The following MTMR9 variants were observed in gnomAD, a reference collection of about 807,000 sequenced individuals.
MTMR9 encodes myotubularin-related protein 9.
A neutral mutation model predicts 69.5 loss-of-function variants in MTMR9; 39 were observed. That is an observed-to-expected ratio of 0.56 (90% CI 0.43 to 0.73). The LOEUF (loss-of-function observed/expected upper bound fraction) is 0.73, where lower values mean the gene tolerates loss of function less well. MTMR9 is among the 30% of genes least tolerant of loss of function. MTMR9 has a pLI of 0.00. For missense variants in MTMR9, 900 were observed against 671.2 expected, an observed-to-expected ratio of 1.34 and a Z score of -3.77; for synonymous variants, 354 against 240.8, an observed-to-expected ratio of 1.47 and a Z score of -4.35.
chr8:11,311,463 C>T (rs1193969313), intron 6 of MTMR9, among the ~76,000 whole-genome samples: 1 of 152,172 alleles, frequency 6.6e-6, no homozygotes, highest in Admixed American at 6.5e-5. Flanking sequence ...AAGTGAGTCA[C>T]ATTCATTATT....
chr8:11,323,191 A>T lies in MTMR9; in HGVS notation c.*403A>T, dbSNP rs1800774984. 1 of 153,156 alleles carries T rather than the reference A, an allele frequency of 6.5e-6. No individual in the cohort carries two copies. The highest frequency in any genetic ancestry group is 2.1e-4 in the South Asian group (1 of 4,842). The allele number at this position is 153,156 out of a possible 1,614,324, so 9.5% of individuals were successfully genotyped here. A position where few individuals can be genotyped will look rare whatever the true frequency, so the allele number is the denominator to read the frequency against. The stretch of plus-strand genomic sequence containing the variant: ...TTTGGTGGTTTAAAAAAAGGGTCAG[A>T]CTTTTAAACACTCTGACCATAGAAA... On this transcript the variant is annotated 3_prime_UTR_variant, in exon 10 of 10. Transcript: ENST00000221086.
At chr8:11,337,670 C>T in the MTMR9 span, among the ~76,000 whole-genome samples, 3 of 152,258 alleles carry the variant, frequency 2.0e-5, no homozygotes, top group East Asian at 5.8e-4. Flanking sequence ...TGAAAGTAGA[C>T]TCGGTCCTGC....
rs111690037 is a variant in MTMR9, at chr8:11,314,929, A to G, written c.978A>G (p.Gly326=). 6.2e-7 allele frequency: 1 copy of G among 1,613,676 alleles called. No homozygotes were observed. Among genetic ancestry groups the G allele is most frequent in the Non-Finnish European group, 8.5e-7 (1 of 1,179,666 alleles). ...TCCCTGATTTTCCTATCAGGGAAGG[A>G]GCATCAATATTGATTCACGGAACAG... The part of the protein sequence containing the change: ...CLAAQCIDRE[G]ASILIHGTEG... Residue 326 remains glycine (G), a synonymous_variant, in exon 7 of 10, where the codon GGA becomes GGG. Coordinates refer to ENST00000221086, the MANE Select transcript of MTMR9 (RefSeq NM_015458.4).
chr8:11,337,921 T>C, the MTMR9 span, among the ~76,000 whole-genome samples: 1 of 152,246 alleles, frequency 6.6e-6, no homozygotes, highest in Non-Finnish European at 1.5e-5. Flanking sequence ...AAGGATTCTA[T>C]GACAATGAAT....
intron 6 of MTMR9, among the ~76,000 whole-genome samples, chr8:11,311,663 G>A (rs1244390202): frequency 6.6e-6 from 1 of 152,176 alleles, no homozygotes; most frequent in South Asian, 2.1e-4. Context: ...TGATCAGGGT[G>A]GTAGTTACTG....
intron 1 of MTMR9, among the ~76,000 whole-genome samples, chr8:11,290,751 T>C (rs1416609370): frequency 6.6e-6 from 1 of 152,148 alleles, no homozygotes; most frequent in Non-Finnish European, 1.5e-5. Context: ...CTGAGCTCTC[T>C]GTCATAATCC....
chr8:11,318,115 T>C (rs1800506785), intron 8 of MTMR9: 1 of 152,228 alleles, frequency 6.6e-6, no homozygotes, highest in South Asian at 2.1e-4. Context: ...TGTTTGATGA[T>C]GAATTTTTTT....
chr8:11,306,250 G>A lies in MTMR9; in HGVS notation c.652G>A (p.Glu218Lys). ...GTNGRRCKED[E>K]KLINATLRAG... ...AAACGGGAGGAGGTGCAAGGAGGAC[G>A]AGAAGCTGATAAATGCTACCCTCAG... Residue 218 changes from glutamate to lysine, a missense_variant, in exon 5 of 10, where the codon GAG becomes AAG. By Grantham distance (56) the Glu-to-Lys change is moderately conservative (BLOSUM62 1). Transcript: ENST00000221086. 2 of 1,613,876 alleles carry A rather than the reference G, an allele frequency of 1.2e-6. No individual in the cohort carries two copies. Among genetic ancestry groups the A allele is most frequent in the Non-Finnish European group, 1.7e-6 (2 of 1,179,928 alleles).
intron 2 of MTMR9, among the ~76,000 whole-genome samples, chr8:11,299,494 C>G (rs1187652457): frequency 6.6e-6 from 1 of 152,142 alleles, no homozygotes; most frequent in African/African-American, 2.4e-5. Flanking sequence ...CATGACTTTC[C>G]TACTGCACTG....
At chr8:11,329,583 C>T (rs746103683), downstream of MTMR9, among the ~76,000 whole-genome samples, 25 of 152,246 alleles carry the variant, frequency 1.6e-4, no homozygotes, top group Non-Finnish European at 3.1e-4. Context: ...CCTGAGGTGC[C>T]GGGATTGTAG....
downstream of MTMR9, among the ~76,000 whole-genome samples, chr8:11,330,223 G>A (rs1474682871): frequency 1.3e-5 from 2 of 151,324 alleles, no homozygotes; most frequent in African/African-American, 2.4e-5. Flanking sequence ...GGCCTGGCCA[G>A]CCGCCCCGTC....
intron 2 of MTMR9, among the ~76,000 whole-genome samples, 195 bp from the exon 3 acceptor site, chr8:11,299,828 T>C (rs201899996): frequency 3.7e-5 from 1 of 26,900 alleles, no homozygotes; most frequent in African/African-American, 2.0e-4. Context: ...GGCAGATGCC[T>C]TTGTTAGATA....
At chr8:11,306,743 C>CTAATATATTGT (rs1799954377) in intron 5 of MTMR9, among the ~76,000 whole-genome samples, 1 of 152,160 alleles carries the variant, frequency 6.6e-6, no homozygotes, top group Admixed American at 6.5e-5. Context: ...TTCAAGCATA[C>CTAATATATTGT]AATATATTAG....
chr8:11,328,662 A>G (rs536842901), downstream of MTMR9, among the ~76,000 whole-genome samples: 1 of 152,366 alleles, frequency 6.6e-6, no homozygotes, highest in South Asian at 2.1e-4. Context: ...GTGAATGGCA[A>G]AACTAGCAGG....
At chr8:11,330,861 T>G, downstream of MTMR9, 1 of 688,412 alleles carries the variant, frequency 1.5e-6, no homozygotes, top group Non-Finnish European at 2.3e-6. Context: ...TCCACTATTG[T>G]CCTATGACCC....
At chr8:11,300,897 CTT>C (rs1257978825) in intron 3 of MTMR9, 1 of 152,174 alleles carries the variant, frequency 6.6e-6, no homozygotes, top group East Asian at 1.9e-4. Context: ...GGTTGGCTGA[CTT>C]TTGTGAAAGA....
chr8:11,333,869 G>A, the MTMR9 span, among the ~76,000 whole-genome samples: 5 of 152,342 alleles, frequency 3.3e-5, no homozygotes, highest in South Asian at 6.2e-4. Flanking sequence ...AAATTTAATT[G>A]CCATTGTGAT....
chr8:11,311,698 T>A (rs1384465612), intron 6 of MTMR9, among the ~76,000 whole-genome samples: 1 of 152,182 alleles, frequency 6.6e-6, no homozygotes, highest in Non-Finnish European at 1.5e-5. Context: ...TGTGGCAATT[T>A]CTTAGACAAG....
At chr8:11,288,348 A>T (rs191112096) in intron 1 of MTMR9, among the ~76,000 whole-genome samples, 1 of 140,464 alleles carries the variant, frequency 7.1e-6, no homozygotes, top group East Asian at 2.0e-4. Flanking sequence ...TAATATATTT[A>T]TATATATATA....
Sources: gnomAD v4.1 joint callset for allele counts (sites outside exome capture counted in the v4.1 genomes callset) on GRCh38, gnomAD v4.1.1 for gene constraint, MANE v1.5 for transcripts, NCBI Gene and HGNC (gene_info 2026-07-23, HGNC 2026-07-21) for gene names.